Variants in MLLT3 observed in about 807,000 individuals in gnomAD.
MLLT3 encodes MLLT3 super elongation complex subunit, also known as protein AF-9.
A neutral mutation model predicts 53.2 loss-of-function variants in MLLT3; 4 were observed. The observed-to-expected ratio is 0.08, with a 90% CI of 0.04 to 0.17. The LOEUF is 0.17. Ranked by LOEUF, MLLT3 falls within the 10% of genes least tolerant of loss-of-function variation. The pLI is 1.00. For missense variants in MLLT3, 569 were observed against 684.0 expected (o/e 0.83, Z 1.87); for synonymous variants, 283 against 230.6 (o/e 1.23, Z -2.06).
intron 2 of MLLT3, among the ~76,000 whole-genome samples, chr9:20,568,764 G>A (rs1819450449): frequency 6.6e-6 from 1 of 152,152 alleles, no homozygotes; most frequent in African/African-American, 2.4e-5. Context: ...TTCAGCTAAT[G>A]TTGATTAAGT....
chr9:20,533,471 G>A (rs1433336754), intron 2 of MLLT3: 2 of 167,250 alleles, frequency 1.2e-5, no homozygotes, highest in East Asian at 3.3e-4. Flanking sequence ...ATGTAAATTG[G>A]TACAGCCATT....
At chr9:20,449,880 G>A (rs1823797271) in intron 3 of MLLT3, among the ~76,000 whole-genome samples, 1 of 151,986 alleles carries the variant, frequency 6.6e-6, no homozygotes, top group South Asian at 2.1e-4. Flanking sequence ...GACCTTAAAT[G>A]TCCTTTACCT....
chr9:20,478,842 GAGGAAGGGGAGAA>G (rs1053041925), intron 2 of MLLT3, among the ~76,000 whole-genome samples: 17 of 152,272 alleles, frequency 1.1e-4, no homozygotes, highest in Admixed American at 4.6e-4. Context: ...GAGAGAAGGA[GAGGAAGGGGAGAA>G]AGGGAGGGAA....
chr9:20,570,081 A>C (rs561084290), intron 2 of MLLT3, among the ~76,000 whole-genome samples: 2 of 152,266 alleles, frequency 1.3e-5, no homozygotes, highest in South Asian at 4.1e-4. Context: ...AATTACTATA[A>C]TTTTACTTTA....
intron 2 of MLLT3, among the ~76,000 whole-genome samples, chr9:20,469,264 C>A (rs1292662196): frequency 6.6e-6 from 1 of 152,070 alleles, no homozygotes; most frequent in Non-Finnish European, 1.5e-5. Context: ...AACAACAGAA[C>A]ATACCTGGCA....
intron 5 of MLLT3, among the ~76,000 whole-genome samples, chr9:20,371,922 A>G (rs910411004): frequency 6.9e-4 from 105 of 152,350 alleles, no homozygotes; most frequent in African/African-American, 2.3e-3. Context: ...CATTATGAAC[A>G]TTCATGATTC....
intron 2 of MLLT3, among the ~76,000 whole-genome samples, chr9:20,602,724 C>G (rs1205367170): frequency 1.3e-5 from 2 of 151,572 alleles, no homozygotes; most frequent in African/African-American, 4.8e-5. Context: ...AAATCTCCTA[C>G]TGCCAGGCTC....
At chr9:20,609,359 T>C (rs1310492544) in intron 2 of MLLT3, among the ~76,000 whole-genome samples, 1 of 152,108 alleles carries the variant, frequency 6.6e-6, no homozygotes, top group East Asian at 1.9e-4. Flanking sequence ...TATGCAAGTA[T>C]GTTGGATGAT....
chr9:20,345,496 C>T lies in MLLT3; in HGVS notation c.*947G>A, dbSNP rs1363306584. 1 of 198,068 alleles carries T rather than the reference C, an allele frequency of 5.0e-6. No homozygotes were observed. The highest frequency in any genetic ancestry group is 6.1e-5 in the Admixed American group (1 of 16,400). The allele number at this position is 198,068 out of a possible 1,614,324, so 12.3% of individuals were successfully genotyped here. On this transcript the variant is annotated 3_prime_UTR_variant, in exon 11 of 11. Coordinates refer to ENST00000380338, the MANE Select transcript of MLLT3 (RefSeq NM_004529.4). Reference sequence around the variant, plus strand: ...TTTTTTAGAAAACAGGACCAGAATTCTTTTTTTTTAAATGATGATCCTGTG... The same window carrying T: ...TTTTTTAGAAAACAGGACCAGAATTTTTTTTTTTTAAATGATGATCCTGTG...
chr9:20,480,548 C>T (rs1019619256), intron 2 of MLLT3, among the ~76,000 whole-genome samples: 1 of 152,222 alleles, frequency 6.6e-6, no homozygotes, highest in Non-Finnish European at 1.5e-5. Flanking sequence ...TTCAAAACTG[C>T]ATCTGCAAAG....
chr9:20,407,430 C>T (rs996754057), intron 5 of MLLT3, among the ~76,000 whole-genome samples: 1 of 152,182 alleles, frequency 6.6e-6, no homozygotes, highest in African/African-American at 2.4e-5. Flanking sequence ...AATCCTGGCT[C>T]TGCATGCCAA....
At chr9:20,600,190 A>G (rs1820384630) in intron 2 of MLLT3, among the ~76,000 whole-genome samples, 1 of 151,686 alleles carries the variant, frequency 6.6e-6, no homozygotes, top group South Asian at 2.1e-4. Context: ...GGGCAGTACT[A>G]AACACTCAGA....
intron 2 of MLLT3, among the ~76,000 whole-genome samples, chr9:20,553,535 C>T (rs924306470): frequency 1.3e-5 from 2 of 152,168 alleles, no homozygotes; most frequent in African/African-American, 4.8e-5. Context: ...CTGAACACCT[C>T]CTAGAGCCAG....
At chr9:20,592,756 G>T (rs1269853188) in intron 2 of MLLT3, among the ~76,000 whole-genome samples, 1 of 152,122 alleles carries the variant, frequency 6.6e-6, no homozygotes, top group African/African-American at 2.4e-5. Flanking sequence ...ACACACTCAG[G>T]TCTAACCAGA....
chr9:20,613,475 TA>T (rs1379960941), intron 2 of MLLT3, among the ~76,000 whole-genome samples: 3 of 152,210 alleles, frequency 2.0e-5, no homozygotes, highest in Non-Finnish European at 4.4e-5. Flanking sequence ...CTATAATAGT[TA>T]ATTCTCCAGA....
intron 2 of MLLT3, among the ~76,000 whole-genome samples, chr9:20,459,558 G>A (rs1038947575): frequency 1.3e-5 from 2 of 152,194 alleles, no homozygotes; most frequent in African/African-American, 4.8e-5. Context: ...AATGTCATTG[G>A]AAGGTAGTTT....
Position 20,448,223 on chromosome 9 carries a change from T to C in MLLT3, c.320A>G (p.His107Arg), listed in dbSNP as rs995116043. Residue 107 changes from histidine (H) to arginine (R), a missense_variant, in exon 4 of 11, where the codon CAT becomes CGT. Transcript: ENST00000380338. This position sits in a 1 kb window ranked among gnomAD's most constrained non-coding sequence, Gnocchi z 4.0. ...ATTCACTGGTGGATGGCCTTCAAGA[T>C]GCAGGAATAAGTCATAATCAAAGCG... ...KVRFDYDLFL[H>R]LEGHPPVNHL... The C allele has an allele frequency of 1.2e-6, 2 of 1,613,622 alleles. No individual in the cohort carries two copies. Among genetic ancestry groups the C allele is most frequent in the Non-Finnish European group, 8.5e-7 (1 of 1,179,786 alleles).
rs139192443 is a variant in MLLT3, at chr9:20,431,289, C to G, written c.420+16834G>C. ...TATTAGAAATTTATATTTTTAGGCC[C>G]CACCCTAGACCTACTAAATAAGAAT... On this transcript the variant is annotated intron_variant, in intron 4 of 10. Coordinates refer to ENST00000380338, the MANE Select transcript of MLLT3 (RefSeq NM_004529.4). 3.0e-3 allele frequency among the ~76,000 whole-genome samples: 449 copies of G among 152,116 alleles called. 4 individuals carry two copies. Among genetic ancestry groups the G allele is most frequent in the Non-Finnish European group, 2.0e-3 (138 of 67,956 alleles).
chr9:20,365,550 G>C, intron 6 of MLLT3, 119 bp downstream of exon 6: 1 of 1,145,086 alleles, frequency 8.7e-7, no homozygotes, highest in East Asian at 2.4e-5. Flanking sequence ...CGGTTTCACC[G>C]TGTTAGCTAG....
Sources: allele counts gnomAD v4.1 joint callset (sites outside exome capture counted in the v4.1 genomes callset), GRCh38; gene constraint gnomAD v4.1.1; non-coding constraint Gnocchi (gnomAD v3.1); transcripts MANE v1.5; gene names NCBI Gene and HGNC (gene_info 2026-07-23, HGNC 2026-07-21).